Variants in HAS2 observed in about 807,000 individuals in gnomAD.
The protein encoded by HAS2 is hyaluronan synthase 2, also known as HA synthase 2.
In HAS2, 16 loss-of-function variants were observed where a neutral mutation model predicts 51.6. The ratio of observed to expected loss-of-function variants is 0.31; its 90% confidence interval spans 0.21 to 0.47. The LOEUF (loss-of-function observed/expected upper bound fraction) is 0.47. Ranked by LOEUF, HAS2 falls within the 20% of genes least tolerant of loss-of-function variation. HAS2 has a pLI of 1.00. For missense variants in HAS2, 361 were observed against 662.6 expected, an observed-to-expected ratio of 0.54 and a Z score of 5.00; for synonymous variants, 228 against 235.5, an observed-to-expected ratio of 0.97 and a Z score of 0.29.
chr8:121,628,540 G>GT (rs1030236357), intron 2 of HAS2, among the ~76,000 whole-genome samples, 174 bp downstream of exon 2: 8 of 151,114 alleles, frequency 5.3e-5, no homozygotes, highest in Admixed American at 3.9e-4. Flanking sequence ...AGTTTTACAA[G>GT]TTTTTTTTTC....
Position 121,613,749 on chromosome 8 carries a change from G to A in HAS2, c.*360C>T, listed in dbSNP as rs1812666189. 7.8e-6 allele frequency: 2 copies of A among 257,366 alleles called. No homozygotes were observed. Among genetic ancestry groups the A allele is most frequent in the South Asian group, 5.2e-5 (1 of 19,390 alleles). The allele number at this position is 257,366 out of a possible 1,614,324, so 15.9% of individuals were successfully genotyped here. On this transcript the variant is annotated 3_prime_UTR_variant, in exon 4 of 4. Coordinates refer to ENST00000303924, the MANE Select transcript of HAS2 (RefSeq NM_005328.3). ...ACAGTCCATAAGTTAGGTTGTATAG[G>A]TTGAAAGAACTTTTCCTTGAGTTTC... is the stretch of plus-strand genomic sequence containing the variant.
In HAS2 at chr8:121,615,022, T is replaced by A; in HGVS notation, c.746A>T (p.Asp249Val). The A allele has an allele frequency of 6.3e-7, 1 of 1,599,116 alleles. No homozygotes were observed. The highest frequency in any genetic ancestry group is 8.5e-7 in the Non-Finnish European group (1 of 1,173,454). Residue 249 changes from aspartate (D) to valine (V), a missense_variant, in exon 4 of 4, where the codon GAT (aspartate) becomes GTT (valine). This residue lies in a region of HAS2 where 49 missense variants were observed against 108.3 expected (regional missense o/e 0.45). Coordinates refer to ENST00000303924, the MANE Select transcript of HAS2 (RefSeq NM_005328.3). ...ACTGCTGAGGAATGAGATCCAGGAA[T>A]CGTACTTGTTTAAAATCTGCAAGAA... is the stretch of plus-strand genomic sequence containing the variant. The part of the protein sequence containing the change: ...GGDVQILNKY[D>V]SWISFLSSVR...
At chr8:121,625,317 C>A (rs920281377) in intron 2 of HAS2, among the ~76,000 whole-genome samples, 3 of 151,862 alleles carry the variant, frequency 2.0e-5, no homozygotes, top group Non-Finnish European at 2.9e-5. Context: ...AACATGCTGC[C>A]ATAAGCCTGT....
chr8:121,617,727 G>C (rs1368912835), intron 2 of HAS2, among the ~76,000 whole-genome samples: 2 of 151,946 alleles, frequency 1.3e-5, no homozygotes, highest in African/African-American at 4.8e-5. Context: ...TTTTAATATG[G>C]CAAATAAATG....
At chr8:121,628,334 G>C (rs905103657) in intron 2 of HAS2, among the ~76,000 whole-genome samples, 5 of 151,968 alleles carry the variant, frequency 3.3e-5, no homozygotes, top group African/African-American at 1.2e-4. Context: ...CTTCTGCTCA[G>C]GCAGACACTA....
chr8:121,621,243 G>A (rs763939917), intron 2 of HAS2, among the ~76,000 whole-genome samples: 4 of 152,176 alleles, frequency 2.6e-5, no homozygotes, highest in East Asian at 1.9e-4. Context: ...TGCAAAAGCT[G>A]TCTCCATCTC....
intron 2 of HAS2, among the ~76,000 whole-genome samples, chr8:121,620,404 C>G (rs1254959961): frequency 6.6e-6 from 1 of 152,170 alleles, no homozygotes; most frequent in Non-Finnish European, 1.5e-5. Flanking sequence ...CTGTGGGAGA[C>G]ATGCCCCAGT....
chr8:121,624,704 G>C (rs974189606), intron 2 of HAS2, among the ~76,000 whole-genome samples: 1 of 152,146 alleles, frequency 6.6e-6, no homozygotes, highest in African/African-American at 2.4e-5. Context: ...CAGACATCAG[G>C]GGATACTGTT....
At chr8:121,631,669 G>T (rs527757272) in intron 1 of HAS2, among the ~76,000 whole-genome samples, 11 of 152,296 alleles carry the variant, frequency 7.2e-5, no homozygotes, top group African/African-American at 2.6e-4. Context: ...GGCAAGTACG[G>T]CATCTCTTGT....
chr8:121,637,365 C>T (rs1813024077), intron 1 of HAS2, among the ~76,000 whole-genome samples: 2 of 150,862 alleles, frequency 1.3e-5, no homozygotes, highest in African/African-American at 4.9e-5. Context: ...TATATGAACT[C>T]CACATGACTA....
chr8:121,635,314 CAT>C (rs1041461669), intron 1 of HAS2, among the ~76,000 whole-genome samples: 1 of 152,056 alleles, frequency 6.6e-6, no homozygotes, highest in African/African-American at 2.4e-5. Flanking sequence ...CATATTGACT[CAT>C]AAAATAGATT....
In HAS2 at chr8:121,628,968, C is replaced by G; in HGVS notation, c.373G>C (p.Glu125Gln). The G allele has an allele frequency of 1.2e-6, 2 of 1,614,166 alleles. No homozygotes were observed. Among genetic ancestry groups the G allele is most frequent in the Non-Finnish European group, 1.7e-6 (2 of 1,179,988 alleles). ...KVVMVIDGNS[E>Q]DDLYMMDIFS... ...ATGTCCATCATGTAAAGGTCATCTT[C>G]TGAGTTCCCATCTATGACCATGACA... The change falls in exon 2 of 4, where the codon GAA becomes CAA. Residue 125 changes from glutamate to glutamine, a missense_variant. By Grantham distance (29) the Glu-to-Gln change is conservative (BLOSUM62 2). Coordinates refer to ENST00000303924, the MANE Select transcript of HAS2 (RefSeq NM_005328.3).
chr8:121,632,169 C>T (rs181023908), intron 1 of HAS2, among the ~76,000 whole-genome samples: 42 of 152,272 alleles, frequency 2.8e-4, no homozygotes, highest in Admixed American at 6.5e-4. Context: ...GACCAAAAGG[C>T]AAAAGGCACA....
chr8:121,635,149 T>C (rs557508011), intron 1 of HAS2, among the ~76,000 whole-genome samples: 1 of 152,170 alleles, frequency 6.6e-6, no homozygotes, highest in Non-Finnish European at 1.5e-5. Context: ...AAATCCCAGC[T>C]CTGCCATCTA....
intron 3 of HAS2, among the ~76,000 whole-genome samples, chr8:121,616,652 T>G (rs1163815008): frequency 6.6e-6 from 1 of 152,030 alleles, no homozygotes; most frequent in African/African-American, 2.4e-5. Context: ...ATCAGGCTGG[T>G]CTCGAACTCC....
At chr8:121,622,701 AT>A (rs943002487) in intron 2 of HAS2, among the ~76,000 whole-genome samples, 3 of 149,704 alleles carry the variant, frequency 2.0e-5, no homozygotes, top group South Asian at 2.1e-4. Context: ...AAAAAAAAAA[AT>A]CAATCCAAAG....
intron 1 of HAS2, among the ~76,000 whole-genome samples, chr8:121,632,096 C>T (rs1055706909): frequency 1.4e-4 from 21 of 152,164 alleles, no homozygotes; most frequent in Admixed American, 1.3e-3. Flanking sequence ...TAGAAGTGAA[C>T]CTTTATATTT....
intron 2 of HAS2, among the ~76,000 whole-genome samples, chr8:121,618,719 A>AT (rs1471483399): frequency 2.0e-5 from 3 of 152,212 alleles, no homozygotes; most frequent in Non-Finnish European, 2.9e-5. Context: ...TGATATCCCC[A>AT]TTCAGACAAT....
chr8:121,630,202 A>G (rs1299424394), intron 1 of HAS2, among the ~76,000 whole-genome samples: 1 of 152,184 alleles, frequency 6.6e-6, no homozygotes, highest in African/African-American at 2.4e-5. Flanking sequence ...AAATGTTTGT[A>G]GAAATAGTGA....
Sources: gnomAD v4.1 joint callset for allele counts (sites outside exome capture counted in the v4.1 genomes callset) on GRCh38, gnomAD v4.1.1 for gene constraint, gnomAD v4.1.1 regional missense constraint, MANE v1.5 for transcripts, NCBI Gene and HGNC (gene_info 2026-07-23, HGNC 2026-07-21) for gene names.